Variants in ZNF529 observed in about 807,000 individuals in gnomAD.
ZNF529 encodes zinc finger protein 529.
A neutral mutation model predicts 10.1 loss-of-function variants in ZNF529; 11 were observed. The observed-to-expected ratio is 1.09, with a 90% CI of 0.69 to 1.81. The LOEUF (loss-of-function observed/expected upper bound fraction) is 1.81, where lower values mean the gene tolerates loss of function less well. Among genes scored for constraint, ZNF529 ranks in the 40% most tolerant of loss-of-function variants. The probability of loss-of-function intolerance (pLI) is 0.00; values close to 1 mark genes in which losing one functional copy is unlikely to be tolerated. For missense variants in ZNF529, 624 were observed against 666.8 expected (o/e 0.94, Z 0.71); for synonymous variants, 204 against 215.7 (o/e 0.95, Z 0.47).
upstream of ZNF529, among the ~76,000 whole-genome samples, chr19:36,576,150 C>T (rs554200125): frequency 4.6e-5 from 7 of 152,012 alleles, no homozygotes; most frequent in South Asian, 4.2e-4. Flanking sequence ...CCCGGCCTCA[C>T]GTGACTTCTT....
intron 4 of ZNF529, among the ~76,000 whole-genome samples, chr19:36,552,615 C>G (rs541368819): frequency 6.6e-6 from 1 of 152,170 alleles, no homozygotes; most frequent in African/African-American, 2.4e-5. Flanking sequence ...TGTCTTCTTT[C>G]ACATCCCATA....
chr19:36,551,619 A>G (rs1048108214), intron 4 of ZNF529, among the ~76,000 whole-genome samples: 1 of 152,252 alleles, frequency 6.6e-6, no homozygotes, highest in African/African-American at 2.4e-5. Context: ...TAGAATTACA[A>G]AAGTTTACCA....
At chr19:36,574,966 T>A (rs1568607234), upstream of ZNF529, 1 of 464,176 alleles carries the variant, frequency 2.2e-6, no homozygotes, top group African/African-American at 2.0e-5. Flanking sequence ...GTGATTTGTG[T>A]GTGTGAGATT....
At chr19:36,550,634 T>A (rs9989712) in intron 4 of ZNF529, among the ~76,000 whole-genome samples, 2,469 of 152,300 alleles carry the variant, frequency 0.016, 68 homozygotes, top group African/African-American at 0.054. Flanking sequence ...ACCATGATGT[T>A]GAAAACATTT....
chr19:36,593,591 G>A (rs1003384135), intron 1 of ZNF529, among the ~76,000 whole-genome samples: 4 of 152,134 alleles, frequency 2.6e-5, no homozygotes, highest in Admixed American at 6.6e-5. Flanking sequence ...GGGCTGAACC[G>A]ATAGTGGATG....
intron 2 of ZNF529, among the ~76,000 whole-genome samples, chr19:36,583,939 G>T (rs1181155453): frequency 1.3e-5 from 2 of 151,782 alleles, no homozygotes; most frequent in African/African-American, 4.8e-5. Context: ...TGTCATAAAA[G>T]GAGAAAAAGG....
chr19:36,546,960 G>T lies in ZNF529; in HGVS notation c.1598C>A (p.Pro533His). The T allele has an allele frequency of 6.2e-7, 1 of 1,613,880 alleles. No individual in the cohort carries two copies. Among genetic ancestry groups the T allele is most frequent in the Non-Finnish European group, 8.5e-7 (1 of 1,179,858 alleles). Residue 533 changes from proline (P) to histidine (H), a missense_variant, in exon 5 of 5, where the codon CCC (proline) becomes CAC (histidine). Pro to His is a moderately conservative substitution (Grantham distance 77). Coordinates refer to ENST00000591340, the MANE Select transcript of ZNF529 (RefSeq NM_020951.5). Reference protein sequence around the residue: ...KHQRIHTDDKPYECKECGNSF... With the variant: ...KHQRIHTDDKHYECKECGNSF... ...ATTCCCACACTCCTTACATTCATAGGGTTTATCATCAGTATGAATGCGCTG... is the reference window on the plus strand; with the variant it reads ...ATTCCCACACTCCTTACATTCATAGTGTTTATCATCAGTATGAATGCGCTG...
intron 2 of ZNF529, among the ~76,000 whole-genome samples, chr19:36,571,905 C>T (rs2036130206): frequency 6.6e-6 from 1 of 151,320 alleles, no homozygotes; most frequent in Non-Finnish European, 1.5e-5. Flanking sequence ...GACATAGCCT[C>T]TCTGCATAAA....
intron 3 of ZNF529, 78 bp downstream of exon 3, chr19:36,556,026 G>T: frequency 6.9e-7 from 1 of 1,443,062 alleles, no homozygotes; most frequent in Non-Finnish European, 9.5e-7. Context: ...TTGTGGTACA[G>T]GTTCTTTGAC....
At chr19:36,578,291 C>CTTTTTT (rs1159725232), upstream of ZNF529, among the ~76,000 whole-genome samples, 693 of 31,820 alleles carry the variant, frequency 0.022, 241 homozygotes, top group Non-Finnish European at 0.03. Flanking sequence ...GTCTTGATCT[C>CTTTTTT]TTTTTTTTTT....
intron 4 of ZNF529, among the ~76,000 whole-genome samples, chr19:36,549,451 G>C (rs769556957): frequency 1.8e-4 from 28 of 152,100 alleles, no homozygotes; most frequent in Non-Finnish European, 3.2e-4. Flanking sequence ...ACAAAGATAA[G>C]TCACTAGAAA....
At chr19:36,604,587 A>C (rs138269694) in intron 1 of ZNF529, among the ~76,000 whole-genome samples, 3,498 of 11,228 alleles carry the variant, frequency 0.31, 91 homozygotes, top group South Asian at 0.48. Flanking sequence ...GCTTTAGAAC[A>C]GAAGGTCTCA....
intron 2 of ZNF529, among the ~76,000 whole-genome samples, chr19:36,558,998 A>G (rs1600273201): frequency 6.6e-6 from 1 of 152,032 alleles, no homozygotes; most frequent in Non-Finnish European, 1.5e-5. Context: ...TGCAAAGAAG[A>G]TATACAAATG....
At chr19:36,555,846 C>G (rs991134081) in intron 3 of ZNF529, among the ~76,000 whole-genome samples, 1 of 152,160 alleles carries the variant, frequency 6.6e-6, no homozygotes, top group Non-Finnish European at 1.5e-5. Context: ...TTTCCCTATC[C>G]AAGAATATGA....
chr19:36,580,727 G>A (rs1474957023), intron 2 of ZNF529: 1 of 152,110 alleles, frequency 6.6e-6, no homozygotes, highest in Non-Finnish European at 1.5e-5. Flanking sequence ...GCACTTGTAG[G>A]CAAGAAATTC....
intron 1 of ZNF529, 110 bp from the exon 2 acceptor site, chr19:36,572,502 G>A (rs950411292): frequency 2.5e-6 from 2 of 800,582 alleles, no homozygotes; most frequent in Non-Finnish European, 4.0e-6. Context: ...CACCCAGATC[G>A]AAGAGGGAAA....
At chr19:36,564,624 G>A (rs1426723493) in intron 2 of ZNF529, among the ~76,000 whole-genome samples, 1 of 152,192 alleles carries the variant, frequency 6.6e-6, no homozygotes, top group African/African-American at 2.4e-5. Context: ...GCGGAGAAAA[G>A]GGAATGCTTA....
At chr19:36,568,946 C>G (rs925080000) in intron 2 of ZNF529, among the ~76,000 whole-genome samples, 4 of 152,146 alleles carry the variant, frequency 2.6e-5, no homozygotes. Context: ...TTTTAATTGC[C>G]TGGACACCTG....
At chr19:36,554,505 G>C (rs530832528) in intron 4 of ZNF529, among the ~76,000 whole-genome samples, 165 bp downstream of exon 4, 1 of 152,244 alleles carries the variant, frequency 6.6e-6, no homozygotes, top group East Asian at 1.9e-4. Flanking sequence ...TTGAACCCGG[G>C]AGGCAGAGGT....
Sources: gnomAD v4.1 joint callset for allele counts (sites outside exome capture counted in the v4.1 genomes callset) on GRCh38, gnomAD v4.1.1 for gene constraint, MANE v1.5 for transcripts, NCBI Gene and HGNC (gene_info 2026-07-23, HGNC 2026-07-21) for gene names.